DNASE1: variants seen among roughly 807,000 people sequenced by gnomAD.
The protein encoded by DNASE1 is deoxyribonuclease 1, also known as deoxyribonuclease-1.
Under a neutral mutation model 33.9 loss-of-function variants are expected in DNASE1, and 40 were observed. That is an observed-to-expected ratio of 1.18 (90% CI 0.92 to 1.54). The LOEUF is 1.54. Among genes scored for constraint, DNASE1 ranks in the 40% most tolerant of loss-of-function variants. The pLI is 0.00. For missense variants in DNASE1, 518 were observed against 372.6 expected, an observed-to-expected ratio of 1.39 and a Z score of -3.21; for synonymous variants, 216 against 160.0, an observed-to-expected ratio of 1.35 and a Z score of -2.64.
intron 1 of DNASE1, among the ~76,000 whole-genome samples, chr16:3,612,628 T>A: frequency 7.0e-6 from 1 of 143,610 alleles, no homozygotes; most frequent in African/African-American, 2.6e-5. Flanking sequence ...CAGGCTGGTC[T>A]CGAGCCCTGG....
intron 1 of DNASE1, among the ~76,000 whole-genome samples, chr16:3,647,214 T>C (rs2042199456): frequency 6.6e-6 from 1 of 152,228 alleles, no homozygotes; most frequent in Non-Finnish European, 1.5e-5. Flanking sequence ...TCTGGCAGTA[T>C]TGCTTTAAAA....
chr16:3,636,053 G>T (rs2041858680), intron 1 of DNASE1, among the ~76,000 whole-genome samples: 1 of 152,018 alleles, frequency 6.6e-6, no homozygotes. Flanking sequence ...ATCATCTTCT[G>T]GATTCCCATT....
At chr16:3,613,299 G>C (rs2040975441) in intron 1 of DNASE1, among the ~76,000 whole-genome samples, 2 of 152,196 alleles carry the variant, frequency 1.3e-5, no homozygotes, top group Non-Finnish European at 2.9e-5. Flanking sequence ...AGATGAATCA[G>C]TACTGCATGC....
At chr16:3,659,805 G>C (rs895352723), downstream of DNASE1, 2 of 151,930 alleles carry the variant, frequency 1.3e-5, no homozygotes, top group African/African-American at 4.8e-5. Context: ...ACCCAAGCTA[G>C]AGTGAAATGG....
chr16:3,628,263 C>T (rs1000810076), intron 1 of DNASE1, among the ~76,000 whole-genome samples: 1 of 152,088 alleles, frequency 6.6e-6, no homozygotes, highest in Non-Finnish European at 1.5e-5. Flanking sequence ...TATAGAAATG[C>T]AAATGATTTT....
At chr16:3,615,226 A>C (rs1052835645) in intron 1 of DNASE1, among the ~76,000 whole-genome samples, 2 of 152,192 alleles carry the variant, frequency 1.3e-5, no homozygotes, top group Non-Finnish European at 2.9e-5. Context: ...ACTGTAGGCT[A>C]AGTATAAGAG....
At chr16:3,649,730 G>T (rs1437599046), upstream of DNASE1, among the ~76,000 whole-genome samples, 1 of 152,174 alleles carries the variant, frequency 6.6e-6, no homozygotes, top group African/African-American at 2.4e-5. Flanking sequence ...GACAGGTTGT[G>T]TTTTTATCTT....
chr16:3,640,952 G>T, upstream of DNASE1: 1 of 398,708 alleles, frequency 2.5e-6, no homozygotes, highest in South Asian at 1.3e-4. Context: ...GCTCCACCGT[G>T]ACTCCAGTGG....
intron 1 of DNASE1, among the ~76,000 whole-genome samples, chr16:3,623,735 A>G (rs529988713): frequency 6.6e-6 from 1 of 151,460 alleles, no homozygotes; most frequent in East Asian, 2.0e-4. Flanking sequence ...GGAATTAGAG[A>G]GAAAGTAGGC....
intron 1 of DNASE1, among the ~76,000 whole-genome samples, chr16:3,613,272 C>G (rs938208130): frequency 2.6e-5 from 4 of 152,170 alleles, no homozygotes; most frequent in African/African-American, 9.7e-5. Flanking sequence ...AGCATGTTTT[C>G]AAGATTTCAT....
At chr16:3,631,900 T>C (rs2041713115) in intron 1 of DNASE1, among the ~76,000 whole-genome samples, 1 of 152,228 alleles carries the variant, frequency 6.6e-6, no homozygotes, top group Non-Finnish European at 1.5e-5. Flanking sequence ...TTTTCTTTTT[T>C]CTTTTTGTAG....
At chr16:3,644,558 G>C (rs1031016010) in intron 1 of DNASE1, among the ~76,000 whole-genome samples, 1 of 151,128 alleles carries the variant, frequency 6.6e-6, no homozygotes, top group Non-Finnish European at 1.5e-5. Flanking sequence ...GTGACACTGG[G>C]TCTCAAAAAC....
At chr16:3,644,431 C>T (rs919657930) in intron 1 of DNASE1, among the ~76,000 whole-genome samples, 5 of 151,956 alleles carry the variant, frequency 3.3e-5, no homozygotes, top group Admixed American at 2.6e-4. Flanking sequence ...GGTGTGGTGG[C>T]GGGTACCTGT....
chr16:3,614,764 C>G (rs1218138352), intron 1 of DNASE1, among the ~76,000 whole-genome samples: 1 of 152,098 alleles, frequency 6.6e-6, no homozygotes, highest in Admixed American at 6.6e-5. Flanking sequence ...ATTAAGATTT[C>G]AAAATATCAT....
At chr16:3,656,224 TGGGAGGGCCCCAAC>T in intron 4 of DNASE1, 39 bp downstream of exon 4, 1 of 1,573,170 alleles carries the variant, frequency 6.4e-7, no homozygotes, top group Non-Finnish European at 8.7e-7. Context: ...CTCCCTCACC[TGGGAGGGCCCCAAC>T]AGAGCAGGGA....
chr16:3,649,199 A>T (rs907669955), intron 1 of DNASE1, among the ~76,000 whole-genome samples: 1 of 152,216 alleles, frequency 6.6e-6, no homozygotes, highest in Non-Finnish European at 1.5e-5. Context: ...CAGGGCTGAG[A>T]TTAGGGACGG....
At chr16:3,662,274 TC>T, downstream of DNASE1, 1 of 985,360 alleles carries the variant, frequency 1.0e-6, no homozygotes, top group Non-Finnish European at 1.5e-6. Context: ...CGCTGCTCCC[TC>T]CCCATTACCC....
At chr16:3,642,541 C>T (rs1202009951), upstream of DNASE1, among the ~76,000 whole-genome samples, 6 of 151,930 alleles carry the variant, frequency 3.9e-5, no homozygotes, top group Non-Finnish European at 7.4e-5. Context: ...GCATGTTCTC[C>T]GTGAGCACCT....
downstream of DNASE1, chr16:3,660,307 A>C (rs1387649400): frequency 1.3e-5 from 2 of 152,218 alleles, no homozygotes; most frequent in African/African-American, 4.8e-5. Context: ...TTGAATTCTG[A>C]ACTATGTGGA....
Sources: gnomAD v4.1 joint callset for allele counts (sites outside exome capture counted in the v4.1 genomes callset) on GRCh38, gnomAD v4.1.1 for gene constraint, MANE v1.5 for transcripts, NCBI Gene and HGNC (gene_info 2026-07-23, HGNC 2026-07-21) for gene names.